CACNB2: variants seen among roughly 807,000 people sequenced by gnomAD.
The protein encoded by CACNB2 is voltage-dependent L-type calcium channel subunit beta-2.
In CACNB2, 42 loss-of-function variants were observed where a neutral mutation model predicts 73.3. The observed-to-expected ratio is 0.57, with a 90% CI of 0.45 to 0.74. The LOEUF (loss-of-function observed/expected upper bound fraction) is 0.74, where lower values mean the gene tolerates loss of function less well. CACNB2 is among the 30% of genes least tolerant of loss of function. The pLI is 0.00. For missense variants in CACNB2, 940 were observed against 853.0 expected (o/e 1.10, Z -1.27); for synonymous variants, 348 against 310.3 (o/e 1.12, Z -1.28).
intron 2 of CACNB2, among the ~76,000 whole-genome samples, chr10:18,244,882 T>C (rs985088280): frequency 6.6e-6 from 1 of 152,238 alleles, no homozygotes; most frequent in African/African-American, 2.4e-5. Flanking sequence ...ACAAGGGTTC[T>C]TTTGAGTAGA....
intron 3 of CACNB2, among the ~76,000 whole-genome samples, chr10:18,436,427 C>T (rs1336839719): frequency 6.6e-6 from 1 of 152,196 alleles, no homozygotes; most frequent in Non-Finnish European, 1.5e-5. Flanking sequence ...ATCAACCAAT[C>T]AGAACAATGC....
chr10:18,364,646 T>G (rs1005329399), intron 2 of CACNB2, among the ~76,000 whole-genome samples: 11 of 152,182 alleles, frequency 7.2e-5, no homozygotes, highest in African/African-American at 2.7e-4. Context: ...TCTTTCTTTC[T>G]ACATTTCTCA....
intron 3 of CACNB2, among the ~76,000 whole-genome samples, chr10:18,480,834 G>A (rs538037790): frequency 7.3e-4 from 111 of 152,224 alleles, no homozygotes; most frequent in African/African-American, 2.5e-3. Context: ...CTTTTCAGAC[G>A]TAAACACTTT....
intron 2 of CACNB2, among the ~76,000 whole-genome samples, chr10:18,172,097 C>T (rs547135978): frequency 8.5e-5 from 13 of 152,140 alleles, no homozygotes; most frequent in Non-Finnish European, 1.5e-5. Flanking sequence ...GCACAGTGTC[C>T]CAGGCCTGTA....
chr10:18,258,166 ATTAG>A (rs1284021966), intron 2 of CACNB2, among the ~76,000 whole-genome samples: 6 of 152,214 alleles, frequency 3.9e-5, no homozygotes, highest in Admixed American at 2.6e-4. Context: ...GCCGAATCAA[ATTAG>A]TTAGTGCTTG....
chr10:18,296,485 T>C (rs1341722607), intron 2 of CACNB2, among the ~76,000 whole-genome samples: 1 of 152,168 alleles, frequency 6.6e-6, no homozygotes, highest in Admixed American at 6.6e-5. Context: ...TTAATAAGCA[T>C]ATAGATATAT....
At chr10:18,463,100 T>C (rs373794477) in intron 3 of CACNB2, among the ~76,000 whole-genome samples, 1 of 152,134 alleles carries the variant, frequency 6.6e-6, no homozygotes, top group African/African-American at 2.4e-5. Flanking sequence ...CACTAAGAAA[T>C]AAAAACTTCA....
rs1476433166 is a variant in CACNB2 at position 18,220,241 on chromosome 10, A to AGGGGGG, written c.213+69267_213+69268insGGGGGG. On this transcript the variant is annotated intron_variant, in intron 2 of 13. Transcript: ENST00000324631. ...TATATATATATATATATAGAGAGAG[A>AGGGGGG]GAGAGAGAGAGAGAGAGAGAGAGAG... 1.3e-4 allele frequency among the ~76,000 whole-genome samples: 11 copies of AGGGGGG among 81,788 alleles called. 1 individual carries two copies. The highest frequency in any genetic ancestry group is 7.1e-4 in the African/African-American group (10 of 14,042). The allele number at this position is 81,788 out of a possible 152,430, so 53.7% of individuals were successfully genotyped here. A position where few individuals can be genotyped will look rare whatever the true frequency, so the allele number is the denominator to read the frequency against.
In CACNB2 at chr10:18,539,987, G is replaced by T; in HGVS notation, c.*263G>T. ...GACTCTTCAAAAACTGTTTTGGGTA[G>T]CTGCCACTTGAACAAAATCTGTTGC... is the stretch of plus-strand genomic sequence containing the variant. On this transcript the variant is annotated 3_prime_UTR_variant, in exon 14 of 14. Coordinates refer to ENST00000324631, the MANE Select transcript of CACNB2 (RefSeq NM_201596.3). 2.7e-6 allele frequency: 1 copy of T among 375,820 alleles called. No individual in the cohort carries two copies. Among genetic ancestry groups the T allele is most frequent in the Admixed American group, 4.4e-5 (1 of 22,698 alleles). 23.3% of individuals were successfully genotyped at this position (375,820 alleles called of 1,614,324 possible).
intron 11 of CACNB2, among the ~76,000 whole-genome samples, chr10:18,534,888 T>C (rs577478590): frequency 6.6e-6 from 1 of 152,332 alleles, no homozygotes; most frequent in East Asian, 1.9e-4. Context: ...TCCGACTTGG[T>C]GTAGCAGATA....
At chr10:18,239,429 A>G (rs2036566689) in intron 2 of CACNB2, among the ~76,000 whole-genome samples, 1 of 152,138 alleles carries the variant, frequency 6.6e-6, no homozygotes, top group African/African-American at 2.4e-5. Flanking sequence ...CACTTAAGAC[A>G]ATGGCCTCCA....
intron 2 of CACNB2, among the ~76,000 whole-genome samples, chr10:18,263,502 T>C (rs1333141778): frequency 6.6e-6 from 1 of 152,226 alleles, no homozygotes; most frequent in Non-Finnish European, 1.5e-5. Flanking sequence ...TCTAATTACA[T>C]AAATAATATA....
At chr10:18,213,413 G>A (rs1324262937) in intron 2 of CACNB2, among the ~76,000 whole-genome samples, 2 of 152,166 alleles carry the variant, frequency 1.3e-5, no homozygotes, top group East Asian at 1.9e-4. Flanking sequence ...GGGCTGGCTG[G>A]TAGCTTTCGG....
At chr10:18,270,424 C>T (rs964892195) in intron 2 of CACNB2, among the ~76,000 whole-genome samples, 3 of 152,114 alleles carry the variant, frequency 2.0e-5, no homozygotes, top group Admixed American at 6.6e-5. Context: ...CATCCTTCAA[C>T]AATCCATTCT....
intron 1 of CACNB2, among the ~76,000 whole-genome samples, chr10:18,145,606 GAA>G (rs1231051561): frequency 1.3e-5 from 2 of 152,018 alleles, no homozygotes; most frequent in East Asian, 3.9e-4. Context: ...TAATTCCTTT[GAA>G]TTATATAGCC....
chr10:18,401,168 G>A, intron 2 of CACNB2: 1 of 1,583,086 alleles, frequency 6.3e-7, no homozygotes, highest in Non-Finnish European at 8.7e-7. Flanking sequence ...GTTGCAGTGA[G>A]TGCAGGTAGA....
At chr10:18,165,647 C>T (rs1037359738) in intron 2 of CACNB2, among the ~76,000 whole-genome samples, 1 of 152,170 alleles carries the variant, frequency 6.6e-6, no homozygotes, top group Non-Finnish European at 1.5e-5. Flanking sequence ...CCTGCAATAT[C>T]GTGTTGCTTT....
intron 3 of CACNB2, among the ~76,000 whole-genome samples, chr10:18,478,644 C>T (rs1185223076): frequency 1.3e-5 from 2 of 152,172 alleles, no homozygotes; most frequent in African/African-American, 2.4e-5. Flanking sequence ...TCTCAGATTA[C>T]TTATTCCCTA....
At chr10:18,183,065 G>T (rs1211676975) in intron 2 of CACNB2, among the ~76,000 whole-genome samples, 1 of 152,006 alleles carries the variant, frequency 6.6e-6, no homozygotes, top group Admixed American at 6.6e-5. Flanking sequence ...CAGCTGGGCA[G>T]ACCTGTTGGA....
Sources: gnomAD v4.1 joint callset for allele counts (sites outside exome capture counted in the v4.1 genomes callset) on GRCh38, gnomAD v4.1.1 for gene constraint, MANE v1.5 for transcripts, NCBI Gene and HGNC (gene_info 2026-07-23, HGNC 2026-07-21) for gene names.